CACNB4: variants seen among roughly 807,000 people sequenced by gnomAD.
CACNB4 encodes the protein calcium voltage-gated channel auxiliary subunit beta 4.
A neutral mutation model predicts 71.2 loss-of-function variants in CACNB4; 32 were observed. The observed-to-expected ratio is 0.45, with a 90% CI of 0.34 to 0.60. The LOEUF (loss-of-function observed/expected upper bound fraction) is 0.60, where lower values mean the gene tolerates loss of function less well. Among genes scored for constraint, CACNB4 ranks in the 20% least tolerant of loss-of-function variants. The pLI is 0.01. For missense variants in CACNB4, 464 were observed against 647.9 expected (o/e 0.72, Z 3.08); for synonymous variants, 231 against 236.9 (o/e 0.97, Z 0.23).
At chr2:151,929,430 G>T (rs1291163201) in intron 2 of CACNB4, among the ~76,000 whole-genome samples, 1 of 151,946 alleles carries the variant, frequency 6.6e-6, no homozygotes, top group Non-Finnish European at 1.5e-5. Context: ...AAAAACTCTG[G>T]TCATAATATA....
At chr2:151,983,342 A>G (rs1199169842) in intron 2 of CACNB4, among the ~76,000 whole-genome samples, 1 of 152,216 alleles carries the variant, frequency 6.6e-6, no homozygotes, top group African/African-American at 2.4e-5. Flanking sequence ...AATTTCTCTT[A>G]GTTCTCAGTC....
intron 2 of CACNB4, among the ~76,000 whole-genome samples, chr2:152,096,350 G>A (rs1429827741): frequency 6.6e-6 from 1 of 152,120 alleles, no homozygotes; most frequent in Non-Finnish European, 1.5e-5. Context: ...CAGGCGTGAT[G>A]GCGGGTGCCT....
At chr2:152,074,688 TCACCCCC>T (rs1686908030) in intron 2 of CACNB4, among the ~76,000 whole-genome samples, 1 of 83,312 alleles carries the variant, frequency 1.2e-5, no homozygotes, top group Non-Finnish European at 2.4e-5. Context: ...ATCATCACCA[TCACCCCC>T]TCACCATTAC....
chr2:151,945,605 T>C (rs2099865349), intron 2 of CACNB4, among the ~76,000 whole-genome samples: 2 of 152,274 alleles, frequency 1.3e-5, no homozygotes, highest in South Asian at 4.2e-4. Context: ...GAGCTGTGAT[T>C]GCACCACCAC....
At position 152,003,518 on chromosome 2, in the gene CACNB4, C is replaced by A. The variant is rs749084735; in HGVS notation, c.147+94812G>T. Among the ~76,000 whole-genome samples, 4 of 151,874 alleles carry A rather than the reference C, an allele frequency of 2.6e-5. 1 individual carries two copies. Among genetic ancestry groups the A allele is most frequent in the African/African-American group, 9.7e-5 (4 of 41,364 alleles). On this transcript the variant is annotated intron_variant, in intron 2 of 13. Coordinates refer to ENST00000539935, the MANE Select transcript of CACNB4 (RefSeq NM_000726.5). Reference sequence around the variant, plus strand: ...CCATTTTTCAAAACAGCTCTTGATGCGCTTATTATATTTTGACCTCCTCTC... The same window carrying A: ...CCATTTTTCAAAACAGCTCTTGATGAGCTTATTATATTTTGACCTCCTCTC...
intron 2 of CACNB4, among the ~76,000 whole-genome samples, chr2:151,994,584 T>C (rs1285203562): frequency 1.3e-5 from 2 of 152,082 alleles, no homozygotes; most frequent in East Asian, 1.9e-4. Context: ...CAATCTTGGC[T>C]CACTGCAACC....
At chr2:151,937,050 C>G (rs1440135540) in intron 2 of CACNB4, among the ~76,000 whole-genome samples, 2 of 152,192 alleles carry the variant, frequency 1.3e-5, no homozygotes, top group Non-Finnish European at 2.9e-5. Flanking sequence ...TCAGAGGAGA[C>G]ATTCAGTAGT....
intron 2 of CACNB4, among the ~76,000 whole-genome samples, chr2:152,084,830 G>C (rs1249414709): frequency 6.6e-6 from 1 of 151,098 alleles, no homozygotes; most frequent in African/African-American, 2.4e-5. Flanking sequence ...TTGATATGTT[G>C]CCCAGGCTGG....
intron 2 of CACNB4, among the ~76,000 whole-genome samples, chr2:152,067,919 G>A (rs547728841): frequency 2.0e-5 from 3 of 152,270 alleles, no homozygotes; most frequent in Non-Finnish European, 2.9e-5. Flanking sequence ...TGCTTTGGAA[G>A]CCTTGAAGAG....
intron 2 of CACNB4, among the ~76,000 whole-genome samples, chr2:151,965,073 T>A (rs903324401): frequency 6.6e-6 from 1 of 152,200 alleles, no homozygotes; most frequent in Non-Finnish European, 1.5e-5. Flanking sequence ...AATAGAACCA[T>A]TGAATCAAGT....
At chr2:151,852,499 C>T (rs941377669) in intron 12 of CACNB4, 5 of 152,194 alleles carry the variant, frequency 3.3e-5, no homozygotes, top group South Asian at 2.1e-4. Flanking sequence ...AAAACTTAGA[C>T]GGTGCTTCTT....
At chr2:152,019,197 T>C (rs955196283) in intron 2 of CACNB4, among the ~76,000 whole-genome samples, 8 of 152,206 alleles carry the variant, frequency 5.3e-5, no homozygotes, top group Admixed American at 1.3e-4. Context: ...TCAGGACAGT[T>C]ACCCAGATAG....
At chr2:152,062,383 C>G (rs1477797294) in intron 2 of CACNB4, among the ~76,000 whole-genome samples, 3 of 152,196 alleles carry the variant, frequency 2.0e-5, no homozygotes, top group Non-Finnish European at 2.9e-5. Flanking sequence ...TCACTGACCA[C>G]TCTTCTAAAT....
chr2:152,048,306 C>G (rs999277938), intron 2 of CACNB4, among the ~76,000 whole-genome samples: 3 of 152,134 alleles, frequency 2.0e-5, no homozygotes, highest in Non-Finnish European at 4.4e-5. Flanking sequence ...AAGTGAGATT[C>G]CACCCTGCTG....
At chr2:151,892,221 G>T (rs536780704) in intron 2 of CACNB4, among the ~76,000 whole-genome samples, 1 of 152,168 alleles carries the variant, frequency 6.6e-6, no homozygotes, top group South Asian at 2.1e-4. Flanking sequence ...TTCTCACATG[G>T]CCCCCAGAGT....
intron 2 of CACNB4, among the ~76,000 whole-genome samples, chr2:152,064,997 A>G (rs376774912): frequency 1.3e-5 from 2 of 152,352 alleles, no homozygotes; most frequent in Admixed American, 6.5e-5. Context: ...GACCAGCAGA[A>G]GGAATGGCTC....
intron 12 of CACNB4, chr2:151,850,844 C>A (rs1235844744): frequency 6.6e-6 from 1 of 152,214 alleles, no homozygotes; most frequent in Non-Finnish European, 1.5e-5. Context: ...ATAACACTTA[C>A]TGATATCACA....
chr2:151,968,406 G>A (rs1158034144), intron 2 of CACNB4: 10 of 152,170 alleles, frequency 6.6e-5, no homozygotes, highest in Admixed American at 6.5e-4. Context: ...ATGGATATCT[G>A]AGTTCATGGC....
chr2:152,091,587 G>C (rs892590729), intron 2 of CACNB4, among the ~76,000 whole-genome samples: 1 of 152,082 alleles, frequency 6.6e-6, no homozygotes, highest in African/African-American at 2.4e-5. Context: ...GCAGTGAGCC[G>C]AGATTGTACC....
Sources: allele counts gnomAD v4.1 joint callset (sites outside exome capture counted in the v4.1 genomes callset), GRCh38; gene constraint gnomAD v4.1.1; transcripts MANE v1.5; gene names NCBI Gene and HGNC (gene_info 2026-07-23, HGNC 2026-07-21).